KCNB2: variants seen among roughly 807,000 people sequenced by gnomAD.
KCNB2 encodes potassium voltage-gated channel subfamily B member 2.
A neutral mutation model predicts 61.5 loss-of-function variants in KCNB2; 15 were observed. That is an observed-to-expected ratio of 0.24 (90% CI 0.16 to 0.38). KCNB2 has a LOEUF of 0.38. KCNB2 is among the 10% of genes least tolerant of loss of function. The pLI is 1.00. For missense variants in KCNB2, 828 were observed against 1,125.2 expected, an observed-to-expected ratio of 0.74 and a Z score of 3.78; for synonymous variants, 457 against 446.0, an observed-to-expected ratio of 1.02 and a Z score of -0.31.
intron 2 of KCNB2, among the ~76,000 whole-genome samples, chr8:72,740,141 T>C (rs1478560556): frequency 6.6e-6 from 1 of 152,214 alleles, no homozygotes; most frequent in African/African-American, 2.4e-5. Context: ...TTGATATTCT[T>C]TGAGCCTGGC....
chr8:72,610,665 G>A (rs541852166), intron 2 of KCNB2, among the ~76,000 whole-genome samples: 1 of 152,262 alleles, frequency 6.6e-6, no homozygotes, highest in South Asian at 2.1e-4. Flanking sequence ...ACTCTATGAT[G>A]TAAGGTTTAT....
At chr8:72,693,546 C>G (rs781458257) in intron 2 of KCNB2, among the ~76,000 whole-genome samples, 1 of 152,120 alleles carries the variant, frequency 6.6e-6, no homozygotes, top group Non-Finnish European at 1.5e-5. Flanking sequence ...CTAAAAAAAG[C>G]AACAACTCCC....
chr8:72,917,200 A>G (rs1273559189), intron 2 of KCNB2, among the ~76,000 whole-genome samples: 1 of 152,218 alleles, frequency 6.6e-6, no homozygotes, highest in African/African-American at 2.4e-5. Flanking sequence ...ACTAAAGTTG[A>G]GAAATGATTT....
At chr8:72,886,050 A>G (rs1483240445) in intron 2 of KCNB2, among the ~76,000 whole-genome samples, 1 of 152,242 alleles carries the variant, frequency 6.6e-6, no homozygotes, top group African/African-American at 2.4e-5. Context: ...TATCCCATAA[A>G]TTATCTTTCC....
intron 2 of KCNB2, among the ~76,000 whole-genome samples, chr8:72,714,371 A>G (rs1233087932): frequency 6.6e-6 from 1 of 152,212 alleles, no homozygotes; most frequent in Non-Finnish European, 1.5e-5. Flanking sequence ...GATTCACCAA[A>G]GTTGAAATGA....
At chr8:72,769,667 A>T (rs1206281657) in intron 2 of KCNB2, among the ~76,000 whole-genome samples, 1 of 152,146 alleles carries the variant, frequency 6.6e-6, no homozygotes, top group East Asian at 1.9e-4. Flanking sequence ...ACAGACAGGC[A>T]ATCGGATTGG....
At chr8:72,895,331 C>G (rs188976882) in intron 2 of KCNB2, among the ~76,000 whole-genome samples, 1 of 152,212 alleles carries the variant, frequency 6.6e-6, no homozygotes, top group East Asian at 1.9e-4. Flanking sequence ...CAGCAGACAG[C>G]TGTAGAAAGA....
rs1317250776 is a variant in KCNB2 at position 72,937,555 on chromosome 8, G to A, written c.2200G>A (p.Ala734Thr). The change falls in exon 3 of 3, where the codon GCC (alanine) becomes ACC (threonine). Residue 734 changes from alanine to threonine, a missense_variant. Coordinates refer to ENST00000523207, the MANE Select transcript of KCNB2 (RefSeq NM_004770.3). ...GSAPQTPPST[A>T]RPLPVTTADF... ...TGCACCACAGACCCCGCCCAGCACA[G>A]CCAGGCCACTGCCAGTCACCACAGC... 6.2e-7 allele frequency: 1 copy of A among 1,613,970 alleles called. No homozygotes were observed. Among genetic ancestry groups the A allele is most frequent in the Non-Finnish European group, 8.5e-7 (1 of 1,179,968 alleles).
chr8:72,599,114 G>T (rs1807247525), intron 2 of KCNB2, among the ~76,000 whole-genome samples: 1 of 152,116 alleles, frequency 6.6e-6, no homozygotes, highest in African/African-American at 2.4e-5. Context: ...AGTTCATACG[G>T]AACCAAAAAA....
chr8:72,680,336 C>G (rs778996543), intron 2 of KCNB2, among the ~76,000 whole-genome samples: 44 of 152,248 alleles, frequency 2.9e-4, no homozygotes, highest in Middle Eastern at 3.4e-3. Context: ...TAGGAAAGGT[C>G]AGATATGTAC....
intron 2 of KCNB2, among the ~76,000 whole-genome samples, chr8:72,804,435 A>G (rs1231074431): frequency 6.6e-6 from 1 of 152,230 alleles, no homozygotes; most frequent in Non-Finnish European, 1.5e-5. Context: ...AAATAGGATC[A>G]CAATGGGGAA....
intron 2 of KCNB2, among the ~76,000 whole-genome samples, chr8:72,597,763 T>C (rs572479556): frequency 6.6e-6 from 1 of 152,204 alleles, no homozygotes; most frequent in African/African-American, 2.4e-5. Flanking sequence ...TCCAGGGTTC[T>C]AGAATTCATC....
chr8:72,749,729 T>C (rs1014117816), intron 2 of KCNB2, among the ~76,000 whole-genome samples: 2 of 146,894 alleles, frequency 1.4e-5, no homozygotes, highest in Admixed American at 6.9e-5. Context: ...ATATATAATA[T>C]AATACATATT....
intron 2 of KCNB2, among the ~76,000 whole-genome samples, chr8:72,923,488 G>A (rs1044186491): frequency 2.2e-4 from 34 of 152,140 alleles, no homozygotes; most frequent in African/African-American, 7.7e-4. Flanking sequence ...TTGCTTTAAT[G>A]TTATATGCTG....
intron 2 of KCNB2, among the ~76,000 whole-genome samples, chr8:72,642,633 A>C (rs575947725): frequency 6.6e-6 from 1 of 152,218 alleles, no homozygotes; most frequent in Admixed American, 6.5e-5. Context: ...CACCCACCGA[A>C]AGCCCACCTA....
chr8:72,862,989 A>G (rs1277772149), intron 2 of KCNB2, among the ~76,000 whole-genome samples: 1 of 152,222 alleles, frequency 6.6e-6, no homozygotes, highest in East Asian at 1.9e-4. Flanking sequence ...AAAACCTGTG[A>G]TACAAATTCA....
At chr8:72,836,285 G>T (rs775877903) in intron 2 of KCNB2, among the ~76,000 whole-genome samples, 1 of 152,166 alleles carries the variant, frequency 6.6e-6, no homozygotes, top group Non-Finnish European at 1.5e-5. Context: ...TTCAAAGAAG[G>T]CTATTTTCTC....
intron 2 of KCNB2, among the ~76,000 whole-genome samples, chr8:72,814,811 G>A (rs1156444659): frequency 6.6e-6 from 1 of 152,136 alleles, no homozygotes; most frequent in Admixed American, 6.6e-5. Context: ...ATTGCCAAGT[G>A]TGTGTAATAA....
intron 2 of KCNB2, among the ~76,000 whole-genome samples, chr8:72,892,002 G>A (rs1450148294): frequency 6.6e-6 from 1 of 152,092 alleles, no homozygotes; most frequent in Non-Finnish European, 1.5e-5. Flanking sequence ...GGTCTGAGAA[G>A]CCAGAGCAGC....
Sources: allele counts gnomAD v4.1 joint callset (sites outside exome capture counted in the v4.1 genomes callset), GRCh38; gene constraint gnomAD v4.1.1; transcripts MANE v1.5; gene names NCBI Gene and HGNC (gene_info 2026-07-23, HGNC 2026-07-21).